Variants in PTPRD observed in about 807,000 individuals in gnomAD.
PTPRD encodes the protein protein tyrosine phosphatase receptor type D.
Under a neutral mutation model 214.5 loss-of-function variants are expected in PTPRD, and 34 were observed. That is an observed-to-expected ratio of 0.16 (90% CI 0.12 to 0.21). The LOEUF (loss-of-function observed/expected upper bound fraction) is 0.21. Ranked by LOEUF, PTPRD falls within the 10% of genes least tolerant of loss-of-function variation. The probability of loss-of-function intolerance (pLI) is 1.00; values close to 1 mark genes in which losing one functional copy is unlikely to be tolerated. For synonymous variants in PTPRD, 1,128 were observed against 845.7 expected, an observed-to-expected ratio of 1.33 and a Z score of -5.79; for missense variants, 2,545 against 2,398.7, an observed-to-expected ratio of 1.06 and a Z score of -1.27.
At chr9:10,073,725 C>T (rs1285245387) in intron 3 of PTPRD, among the ~76,000 whole-genome samples, 1 of 151,992 alleles carries the variant, frequency 6.6e-6, no homozygotes, top group Non-Finnish European at 1.5e-5. Flanking sequence ...ACATCGTTGA[C>T]ATGTGCCAAT....
At chr9:10,183,246 G>T (rs948571131) in intron 3 of PTPRD, among the ~76,000 whole-genome samples, 43 of 152,158 alleles carry the variant, frequency 2.8e-4, no homozygotes, top group African/African-American at 1.0e-3. Flanking sequence ...ATATTAGAAT[G>T]GGTACCTCAG....
chr9:9,087,832 G>A (rs1366567667), intron 10 of PTPRD, among the ~76,000 whole-genome samples: 1 of 140,990 alleles, frequency 7.1e-6, no homozygotes, highest in African/African-American at 2.6e-5. Context: ...ATCGCTTGAT[G>A]TCAAATAGAA....
intron 39 of PTPRD, among the ~76,000 whole-genome samples, chr9:8,372,125 CTG>C (rs1186900751): frequency 6.6e-6 from 1 of 152,026 alleles, no homozygotes; most frequent in Non-Finnish European, 1.5e-5. Flanking sequence ...TTCTCTCTCA[CTG>C]AGAAAAGTCT....
At position 9,420,968 on chromosome 9, in the gene PTPRD, C is replaced by T. The variant is rs143837085; in HGVS notation, c.-236-23486G>A. The stretch of plus-strand genomic sequence containing the variant: ...TGTGATATCTCTTCAATATTTTATG[C>T]CTTCATAAGGCTGCCATTTGGTTGT... On this transcript the variant is annotated intron_variant, in intron 8 of 45. Transcript: ENST00000381196. Among the ~76,000 whole-genome samples, 223 of 151,828 alleles carry T rather than the reference C, an allele frequency of 1.5e-3. 1 individual carries two copies. The highest frequency in any genetic ancestry group is 5.3e-3 in the African/African-American group (218 of 41,476).
intron 6 of PTPRD, among the ~76,000 whole-genome samples, chr9:9,765,125 T>C (rs2098695945): frequency 6.6e-6 from 1 of 152,114 alleles, no homozygotes; most frequent in African/African-American, 2.4e-5. Context: ...CATTAGTCTC[T>C]TTACAGATAT....
At chr9:9,012,090 A>G (rs1268971027) in intron 11 of PTPRD, among the ~76,000 whole-genome samples, 2 of 152,200 alleles carry the variant, frequency 1.3e-5, no homozygotes, top group African/African-American at 4.8e-5. Context: ...GGCCTATGGA[A>G]AAAGCTATAG....
At chr9:9,540,448 G>A (rs1285976764) in intron 8 of PTPRD, among the ~76,000 whole-genome samples, 2 of 151,798 alleles carry the variant, frequency 1.3e-5, no homozygotes, top group Non-Finnish European at 2.9e-5. Context: ...ACAATGTACA[G>A]TAATGAAGTC....
intron 3 of PTPRD, among the ~76,000 whole-genome samples, chr9:10,234,581 G>C (rs1424544200): frequency 6.6e-6 from 1 of 151,692 alleles, no homozygotes. Context: ...GAACAATTAA[G>C]AATTATTCAA....
intron 11 of PTPRD, among the ~76,000 whole-genome samples, chr9:8,929,780 G>GTATATATGTGTATATATATAT: frequency 1.2e-5 from 1 of 82,446 alleles, no homozygotes; most frequent in East Asian, 4.2e-4. Flanking sequence ...TATATATATG[G>GTATATATGTGTATATATATAT]GTGTGTATAT....
intron 11 of PTPRD, among the ~76,000 whole-genome samples, chr9:8,777,867 T>C (rs1452913472): frequency 6.6e-6 from 1 of 152,324 alleles, no homozygotes; most frequent in East Asian, 1.9e-4. Flanking sequence ...AATTGTAGTT[T>C]CACATGAAAT....
At chr9:10,566,592 T>C (rs2065695079) in intron 2 of PTPRD, among the ~76,000 whole-genome samples, 1 of 152,072 alleles carries the variant, frequency 6.6e-6, no homozygotes. Flanking sequence ...GTTAATTAGC[T>C]GTCTGTTACA....
chr9:10,441,695 T>C (rs770139429), intron 2 of PTPRD, among the ~76,000 whole-genome samples: 17 of 151,830 alleles, frequency 1.1e-4, no homozygotes, highest in Non-Finnish European at 1.6e-4. Context: ...ATTTTAAATA[T>C]CTTTGCAATA....
At position 10,207,136 on chromosome 9, in the gene PTPRD, G is replaced by A. The variant is rs75261562; in HGVS notation, c.-545+133827C>T. ...TAGAATATACCCAGCATCCCAAACA[G>A]TTCTTTTATGCTCCTTCCTGGACAA... On this transcript the variant is annotated intron_variant, in intron 3 of 45. Coordinates refer to ENST00000381196, the MANE Select transcript of PTPRD (RefSeq NM_002839.4). Among the ~76,000 whole-genome samples the A allele has an allele frequency of 3.0e-3, 456 of 152,088 alleles. 2 individuals carry two copies. The highest frequency in any genetic ancestry group is 0.01 in the African/African-American group (430 of 41,512).
chr9:9,768,401 C>A (rs2098723769), intron 5 of PTPRD, among the ~76,000 whole-genome samples: 1 of 152,038 alleles, frequency 6.6e-6, no homozygotes, highest in Non-Finnish European at 1.5e-5. Flanking sequence ...TTTAAATATA[C>A]TTATGTCTTA....
chr9:8,968,044 G>A (rs1248012174), intron 11 of PTPRD, among the ~76,000 whole-genome samples: 2 of 151,990 alleles, frequency 1.3e-5, no homozygotes, highest in Non-Finnish European at 2.9e-5. Flanking sequence ...TGAGAATGAT[G>A]GTTTCCAGCT....
intron 8 of PTPRD, among the ~76,000 whole-genome samples, chr9:9,501,920 A>G (rs146384799): frequency 0.011 from 1,598 of 152,036 alleles, 12 homozygotes; most frequent in Middle Eastern, 0.017. Flanking sequence ...ATGCCTCTGA[A>G]GCAATACTTT....
At chr9:9,760,324 T>C (rs1166079472) in intron 6 of PTPRD, among the ~76,000 whole-genome samples, 1 of 152,148 alleles carries the variant, frequency 6.6e-6, no homozygotes, top group African/African-American at 2.4e-5. Context: ...TAGTGTTTTA[T>C]GTAAGACAAA....
chr9:9,610,745 ATAAAAG>A (rs1335711648), intron 7 of PTPRD, among the ~76,000 whole-genome samples: 4 of 152,160 alleles, frequency 2.6e-5, no homozygotes, highest in East Asian at 1.9e-4. Context: ...TTTTTTAATC[ATAAAAG>A]TAATTCATTC....
chr9:8,739,009 AG>A (rs976358643), intron 11 of PTPRD, among the ~76,000 whole-genome samples: 1 of 152,234 alleles, frequency 6.6e-6, no homozygotes, highest in Non-Finnish European at 1.5e-5. Context: ...CTCCCAAACC[AG>A]GCCTCTGTAA....
Sources: allele counts gnomAD v4.1 joint callset (sites outside exome capture counted in the v4.1 genomes callset), GRCh38; gene constraint gnomAD v4.1.1; transcripts MANE v1.5; gene names NCBI Gene and HGNC (gene_info 2026-07-23, HGNC 2026-07-21).